MESD: variants seen among roughly 807,000 people sequenced by gnomAD.
MESD encodes mesoderm development LRP chaperone.
In MESD, 7 loss-of-function variants were observed where a neutral mutation model predicts 12.9. That is an observed-to-expected ratio of 0.54 (90% CI 0.31 to 1.02). The LOEUF (loss-of-function observed/expected upper bound fraction) is 1.02. Ranked by LOEUF, MESD falls within the 50% of genes least tolerant of loss-of-function variation. The probability of loss-of-function intolerance (pLI) is 0.05; values close to 1 mark genes in which losing one functional copy is unlikely to be tolerated. For synonymous variants in MESD, 126 were observed against 115.6 expected, an observed-to-expected ratio of 1.09 and a Z score of -0.58; for missense variants, 342 against 296.7, an observed-to-expected ratio of 1.15 and a Z score of -1.12.
intron 3 of MESD, among the ~76,000 whole-genome samples, chr15:80,965,109 G>T (rs953029406): frequency 6.6e-6 from 1 of 151,972 alleles, no homozygotes. Flanking sequence ...AAATTTACAA[G>T]AAAAAAACAA....
chr15:80,965,664 G>A (rs113018742), intron 3 of MESD, among the ~76,000 whole-genome samples: 1,702 of 152,294 alleles, frequency 0.011, 19 homozygotes, highest in South Asian at 0.014. Flanking sequence ...GGACATGGAT[G>A]AAGCTGGAAA....
intron 2 of MESD, among the ~76,000 whole-genome samples, chr15:80,981,330 G>A (rs147732649): frequency 0.051 from 7,728 of 151,312 alleles, 242 homozygotes; most frequent in Middle Eastern, 0.18. Context: ...CCAGCTACTC[G>A]GGAGGCTGAG....
At chr15:80,961,799 T>C (rs1186689968) in intron 3 of MESD, among the ~76,000 whole-genome samples, 3 of 152,194 alleles carry the variant, frequency 2.0e-5, no homozygotes, top group Admixed American at 6.6e-5. Flanking sequence ...CTGAGAGATT[T>C]TGTCACCACC....
At position 80,965,413 on chromosome 15, in the gene MESD, G is replaced by C. The variant is rs147009090; in HGVS notation, c.*289-13117C>G. ...AGTGTGGCAATTCCTCAAGGATCTAGAACTAGAAATACCATTTGACCCAGC... is the reference window on the plus strand; with the variant it reads ...AGTGTGGCAATTCCTCAAGGATCTACAACTAGAAATACCATTTGACCCAGC... On this transcript the variant is annotated intron_variant, in intron 3 of 4. Transcript: ENST00000561312. Among the ~76,000 whole-genome samples, 715 of 152,296 alleles carry C rather than the reference G, an allele frequency of 4.7e-3. 5 individuals carry two copies. The highest frequency in any genetic ancestry group is 0.016 in the African/African-American group (661 of 41,548).
chr15:80,974,061 T>TCCCC (rs111416993), downstream of MESD, among the ~76,000 whole-genome samples: 6 of 149,512 alleles, frequency 4.0e-5, no homozygotes, highest in African/African-American at 1.5e-4. Context: ...CAATTATGGT[T>TCCCC]CCCCCCCCCA....
intron 1 of MESD, among the ~76,000 whole-genome samples, chr15:80,988,631 T>C (rs1374782622): frequency 6.6e-6 from 1 of 152,220 alleles, no homozygotes. Context: ...TCAGGTGGTA[T>C]TTTAAACTCT....
In MESD at chr15:80,979,494, C is replaced by T. The variant is rs748946785; in HGVS notation, c.447-17G>A. ...ACAATGAACCTTGGGCAGAGAGATG[C>T]AATCAGTCAGCCAGCACGTACTAGT... On this transcript the variant is annotated splice_polypyrimidine_tract_variant and intron_variant, in intron 2 of 2. Transcript: ENST00000261758. 1 of 1,610,602 alleles carries T rather than the reference C, an allele frequency of 6.2e-7. No individual in the cohort carries two copies. The highest frequency in any genetic ancestry group is 1.1e-5 in the South Asian group (1 of 90,872).
chr15:80,954,141 A>G (rs912026332), intron 3 of MESD, among the ~76,000 whole-genome samples: 2 of 152,152 alleles, frequency 1.3e-5, no homozygotes, highest in Non-Finnish European at 2.9e-5. Flanking sequence ...GCGTAGCTCC[A>G]CACAAAGCCT....
In MESD at chr15:80,989,778, C is replaced by A; in HGVS notation, c.14G>T (p.Arg5Met). Residue 5 changes from arginine (R) to methionine (M), a missense_variant, in exon 1 of 3, where the codon AGG (arginine) becomes ATG (methionine). By Grantham distance (91) the Arg-to-Met change is moderately conservative. Coordinates refer to ENST00000261758, the MANE Select transcript of MESD (RefSeq NM_015154.3). ...CAGGACCACGGCCTTGCGCGCCCAC[C>A]TGGAAGCCGCCATTTTCGCTGCGCC... MAASRWARKAVVLLC... is the reference protein window; with the variant it reads MAASMWARKAVVLLC... 1.3e-6 allele frequency: 2 copies of A among 1,585,146 alleles called. No homozygotes were observed. The highest frequency in any genetic ancestry group is 8.5e-7 in the Non-Finnish European group (1 of 1,172,722).
intron 3 of MESD, among the ~76,000 whole-genome samples, chr15:80,962,255 T>A (rs1019287045): frequency 6.6e-6 from 1 of 152,182 alleles, no homozygotes; most frequent in Admixed American, 6.5e-5. Flanking sequence ...GGCCATTATA[T>A]AATGGTAAAG....
intron 3 of MESD, among the ~76,000 whole-genome samples, chr15:80,955,913 C>T (rs1901972714): frequency 6.6e-6 from 1 of 152,090 alleles, no homozygotes; most frequent in African/African-American, 2.4e-5. Flanking sequence ...TGAGCCACTG[C>T]GCCCGGCTGA....
At chr15:80,979,548 T>G in intron 2 of MESD, 71 bp from the exon 3 acceptor site, 1 of 1,510,740 alleles carries the variant, frequency 6.6e-7, no homozygotes, top group Non-Finnish European at 8.9e-7. Context: ...AGCAATTCTC[T>G]GGCACTTATC....
intron 1 of MESD, among the ~76,000 whole-genome samples, chr15:80,985,875 G>T (rs540152848): frequency 6.6e-6 from 1 of 151,794 alleles, no homozygotes; most frequent in African/African-American, 2.4e-5. Flanking sequence ...GGCTGGTCTC[G>T]AACTCCTGAG....
At chr15:80,973,617 C>A (rs1902338761), downstream of MESD, among the ~76,000 whole-genome samples, 1 of 152,182 alleles carries the variant, frequency 6.6e-6, no homozygotes, top group African/African-American at 2.4e-5. Context: ...AGCACAAGGA[C>A]ATAAATACCA....
Position 80,979,488 on chromosome 15 carries a change from G to C in MESD, c.447-11C>G, listed in dbSNP as rs1406645856. ...GATCCCACAATGAACCTTGGGCAGA[G>C]AGATGCAATCAGTCAGCCAGCACGT... is the stretch of plus-strand genomic sequence containing the variant. On this transcript the variant is annotated splice_polypyrimidine_tract_variant and intron_variant, in intron 2 of 2. Transcript: ENST00000261758. The C allele has an allele frequency of 6.2e-7, 1 of 1,611,554 alleles. No homozygotes were observed. The highest frequency in any genetic ancestry group is 2.2e-5 in the East Asian group (1 of 44,800).
chr15:80,952,801 C>T, intron 3 of MESD: 1 of 365,130 alleles, frequency 2.7e-6, no homozygotes, highest in South Asian at 2.0e-5. Context: ...ACGGCCTCTA[C>T]CTTCAGGAAA....
At chr15:80,954,385 A>T (rs936985701) in intron 3 of MESD, among the ~76,000 whole-genome samples, 2 of 152,228 alleles carry the variant, frequency 1.3e-5, no homozygotes, top group Admixed American at 6.5e-5. Context: ...TCCTGCCTCC[A>T]GTACTGAAGC....
intron 3 of MESD, among the ~76,000 whole-genome samples, chr15:80,953,821 TAAC>T (rs1423724648): frequency 1.3e-5 from 2 of 152,108 alleles, no homozygotes; most frequent in East Asian, 3.9e-4. Flanking sequence ...CAGTGACAGC[TAAC>T]AACATCTGCC....
At position 80,982,120 on chromosome 15, in the gene MESD, G is replaced by A. The variant is rs1359252882; in HGVS notation, c.276C>T (p.Asp92=). ...PEHKRPSAPV[D]FSKIDPSKPE... is the part of the protein sequence containing the mutation. ...GCTTGCTTGGGTCTATCTTTGAGAAGTCGACAGGTGCTGAAGGTCTCTTGT... is the reference window on the plus strand; with the variant it reads ...GCTTGCTTGGGTCTATCTTTGAGAAATCGACAGGTGCTGAAGGTCTCTTGT... Residue 92 remains aspartate, a synonymous_variant, in exon 2 of 3, where the codon GAC becomes GAT. Coordinates refer to ENST00000261758, the MANE Select transcript of MESD (RefSeq NM_015154.3). 6.2e-7 allele frequency: 1 copy of A among 1,614,072 alleles called. No homozygotes were observed.
Sources: allele counts gnomAD v4.1 joint callset (sites outside exome capture counted in the v4.1 genomes callset), GRCh38; gene constraint gnomAD v4.1.1; transcripts MANE v1.5; gene names NCBI Gene and HGNC (gene_info 2026-07-23, HGNC 2026-07-21).